TMPRSS11F: variants seen among roughly 807,000 people sequenced by gnomAD.
TMPRSS11F encodes transmembrane protease serine 11F.
In TMPRSS11F, 47 loss-of-function variants were observed where a neutral mutation model predicts 60.2. The ratio of observed to expected loss-of-function variants is 0.78; its 90% CI spans 0.62 to 1.00. The LOEUF is 1.00. Ranked by LOEUF, TMPRSS11F falls within the 50% of genes least tolerant of loss-of-function variation. TMPRSS11F has a pLI of 0.00. For synonymous variants in TMPRSS11F, 166 were observed against 167.3 expected, an observed-to-expected ratio of 0.99 and a Z score of 0.06; for missense variants, 519 against 522.9, an observed-to-expected ratio of 0.99 and a Z score of 0.07.
At chr4:68,094,948 T>G (rs1329111978) in intron 2 of TMPRSS11F, among the ~76,000 whole-genome samples, 2 of 152,176 alleles carry the variant, frequency 1.3e-5, no homozygotes, top group South Asian at 4.1e-4. Flanking sequence ...GTTGAAAATA[T>G]AATTTACTAT....
chr4:68,089,326 G>A (rs1199631013), intron 3 of TMPRSS11F, among the ~76,000 whole-genome samples: 1 of 152,118 alleles, frequency 6.6e-6, no homozygotes, highest in Non-Finnish European at 1.5e-5. Context: ...AGGGATGCAA[G>A]AAGCAATGGA....
intron 8 of TMPRSS11F, among the ~76,000 whole-genome samples, chr4:68,061,520 G>T (rs906768377): frequency 6.6e-6 from 1 of 152,320 alleles, no homozygotes; most frequent in East Asian, 1.9e-4. Context: ...TAAGAGTGAA[G>T]ATTTAGAGAG....
intron 1 of TMPRSS11F, among the ~76,000 whole-genome samples, chr4:68,114,868 A>G (rs994973156): frequency 6.6e-6 from 1 of 151,932 alleles, no homozygotes; most frequent in African/African-American, 2.4e-5. Context: ...TTGAAAACCA[A>G]TCAGTATAAC....
At chr4:68,091,891 A>G (rs2109865769) in intron 2 of TMPRSS11F, among the ~76,000 whole-genome samples, 1 of 151,776 alleles carries the variant, frequency 6.6e-6, no homozygotes, top group East Asian at 2.0e-4. Flanking sequence ...GGTTCAAGTG[A>G]TTCTCTTGAC....
intron 2 of TMPRSS11F, among the ~76,000 whole-genome samples, chr4:68,092,839 G>A (rs1420807960): frequency 1.3e-5 from 2 of 151,932 alleles, no homozygotes; most frequent in Non-Finnish European, 2.9e-5. Flanking sequence ...GCATATTCTG[G>A]AATCTCGTAG....
At chr4:68,098,663 T>C (rs1056186557) in intron 2 of TMPRSS11F, among the ~76,000 whole-genome samples, 2 of 152,226 alleles carry the variant, frequency 1.3e-5, no homozygotes, top group African/African-American at 2.4e-5. Context: ...TTTTTATGTA[T>C]TTCTTTTAGA....
chr4:68,074,288 C>A (rs969580617), intron 3 of TMPRSS11F, among the ~76,000 whole-genome samples: 1 of 152,136 alleles, frequency 6.6e-6, no homozygotes, highest in African/African-American at 2.4e-5. Flanking sequence ...AATGGGATAA[C>A]AACAATATCT....
intron 2 of TMPRSS11F, among the ~76,000 whole-genome samples, chr4:68,095,930 G>C (rs906549579): frequency 1.4e-5 from 2 of 138,208 alleles, no homozygotes; most frequent in Non-Finnish European, 3.1e-5. Flanking sequence ...TATGTCCAAT[G>C]ACCCAGTGGT....
At chr4:68,108,412 G>A (rs1724343661) in intron 1 of TMPRSS11F, among the ~76,000 whole-genome samples, 1 of 152,160 alleles carries the variant, frequency 6.6e-6, no homozygotes, top group African/African-American at 2.4e-5. Flanking sequence ...ACAGAAGTCT[G>A]CCAGTATGCA....
At chr4:68,065,577 A>T (rs186524307) in intron 7 of TMPRSS11F, among the ~76,000 whole-genome samples, 3 of 152,180 alleles carry the variant, frequency 2.0e-5, no homozygotes, top group East Asian at 3.9e-4. Flanking sequence ...TTTCTCTCCC[A>T]CAAGGTTTAT....
At position 68,081,501 on chromosome 4, in the gene TMPRSS11F, A is replaced by G. The variant is rs558980254; in HGVS notation, c.283-7492T>C. Among the ~76,000 whole-genome samples the G allele has an allele frequency of 3.9e-5, 6 of 152,328 alleles. No individual in the cohort carries two copies. In the South Asian group the frequency reaches 1.2e-3, roughly 32 times the overall value. On this transcript the variant is annotated intron_variant, in intron 3 of 9. Coordinates refer to ENST00000356291, the MANE Select transcript of TMPRSS11F (RefSeq NM_207407.2). Reference sequence around the variant, plus strand: ...GTACATTAATTACTGGATGCTCCCAAGGGGAAAATGGAGACCAGTCTGTTA... The same window carrying G: ...GTACATTAATTACTGGATGCTCCCAGGGGGAAAATGGAGACCAGTCTGTTA...
At chr4:68,074,140 A>T (rs547987547) in intron 3 of TMPRSS11F, 131 bp from the exon 4 acceptor site, 2 of 518,954 alleles carry the variant, frequency 3.9e-6, no homozygotes, top group African/African-American at 2.0e-5. Flanking sequence ...GCAAAAAAAT[A>T]AAAATAAAAA....
At chr4:68,062,469 G>A in intron 8 of TMPRSS11F, 1 of 666,040 alleles carries the variant, frequency 1.5e-6, no homozygotes, top group Non-Finnish European at 2.9e-6. Flanking sequence ...TCTTCCAATG[G>A]CGACTTGGTA....
intron 8 of TMPRSS11F, chr4:68,062,026 A>T (rs1178438232): frequency 2.2e-6 from 1 of 453,416 alleles, no homozygotes; most frequent in African/African-American, 2.0e-5. Flanking sequence ...TGTCTGAAAT[A>T]AAACAATTTT....
intron 2 of TMPRSS11F, among the ~76,000 whole-genome samples, chr4:68,096,581 G>C (rs1724081005): frequency 6.6e-6 from 1 of 152,024 alleles, no homozygotes; most frequent in Admixed American, 6.5e-5. Context: ...GTGATCCCTG[G>C]CTGAAGGGCA....
intron 9 of TMPRSS11F, 47 bp from the exon 10 acceptor site, chr4:68,054,114 T>A (rs775377602): frequency 6.4e-7 from 1 of 1,557,412 alleles, no homozygotes; most frequent in Non-Finnish European, 8.8e-7. Context: ...TTTAATTCAG[T>A]GGGAAGGTAT....
At chr4:68,119,599 G>T (rs1182350938) in intron 1 of TMPRSS11F, among the ~76,000 whole-genome samples, 3 of 152,130 alleles carry the variant, frequency 2.0e-5, no homozygotes, top group African/African-American at 2.4e-5. Context: ...ATAGATAGAA[G>T]AACAAAGCCT....
intron 7 of TMPRSS11F, among the ~76,000 whole-genome samples, chr4:68,066,182 G>T (rs1723323172): frequency 6.7e-6 from 1 of 149,864 alleles, no homozygotes; most frequent in East Asian, 2.0e-4. Flanking sequence ...CACTTCTTTA[G>T]AGATTAAGAT....
intron 1 of TMPRSS11F, among the ~76,000 whole-genome samples, chr4:68,129,083 A>G (rs570037084): frequency 1.3e-5 from 2 of 152,312 alleles, no homozygotes; most frequent in African/African-American, 4.8e-5. Context: ...CCTTTTTAAG[A>G]AACAAGGCTA....
Sources: gnomAD v4.1 joint callset for allele counts (sites outside exome capture counted in the v4.1 genomes callset) on GRCh38, gnomAD v4.1.1 for gene constraint, MANE v1.5 for transcripts, NCBI Gene and HGNC (gene_info 2026-07-23, HGNC 2026-07-21) for gene names.